Variants in RASA1 observed in about 807,000 individuals in gnomAD.
The protein encoded by RASA1 is ras GTPase-activating protein 1.
Under a neutral mutation model 132.2 loss-of-function variants are expected in RASA1, and 25 were observed. The observed-to-expected ratio is 0.19, with a 90% CI of 0.14 to 0.26. The LOEUF is 0.26. Ranked by LOEUF, RASA1 falls within the 10% of genes least tolerant of loss-of-function variation. RASA1 has a pLI of 1.00. For missense variants in RASA1, 964 were observed against 1,299.2 expected, an observed-to-expected ratio of 0.74 and a Z score of 3.97; for synonymous variants, 477 against 449.9, an observed-to-expected ratio of 1.06 and a Z score of -0.76.
intron 1 of RASA1, among the ~76,000 whole-genome samples, chr5:87,273,674 T>C (rs922436519): frequency 1.3e-5 from 2 of 151,878 alleles, no homozygotes; most frequent in African/African-American, 4.8e-5. Flanking sequence ...CATTTAAGAA[T>C]AGAGATTTCT....
At chr5:87,343,295 A>G (rs1010828829) in intron 6 of RASA1, among the ~76,000 whole-genome samples, 1 of 152,118 alleles carries the variant, frequency 6.6e-6, no homozygotes, top group Non-Finnish European at 1.5e-5. Flanking sequence ...AAATAACTAC[A>G]TTCTAGTTCA....
intron 20 of RASA1, among the ~76,000 whole-genome samples, chr5:87,382,328 G>C (rs927628294): frequency 1.3e-5 from 2 of 152,130 alleles, no homozygotes; most frequent in African/African-American, 4.8e-5. Context: ...TAGCAAACAG[G>C]TACATGTTCA....
intron 8 of RASA1, among the ~76,000 whole-genome samples, chr5:87,352,254 T>G (rs576689573): frequency 1.3e-5 from 2 of 151,760 alleles, no homozygotes; most frequent in South Asian, 2.1e-4. Flanking sequence ...ATTACTTATA[T>G]TTGGTTTAAA....
rs1416102775 is a variant in RASA1, at chr5:87,374,144, TATA to T, written c.1777-18_1777-16del. On this transcript the variant is annotated splice_polypyrimidine_tract_variant and intron_variant, in intron 13 of 24. Coordinates refer to ENST00000274376, the MANE Select transcript of RASA1 (RefSeq NM_002890.3). ...AGAAATCTGGGGTAATATATATATATATATTTTTTTTTTTTTAGGTCAGCAGCC... is the reference window on the plus strand; with the variant it reads ...AGAAATCTGGGGTAATATATATATATTTTTTTTTTTTTTAGGTCAGCAGCC... 61 of 1,395,790 alleles carry T rather than the reference TATA, an allele frequency of 4.4e-5. No individual in the cohort carries two copies. Among genetic ancestry groups the T allele is most frequent in the Middle Eastern group, 2.7e-4 (1 of 3,726 alleles). 86.5% of individuals were successfully genotyped at this position (1,395,790 alleles called of 1,614,324 possible). A position where few individuals can be genotyped will look rare whatever the true frequency, so the allele number is the denominator to read the frequency against.
At chr5:87,269,915 G>A (rs1343830392) in intron 1 of RASA1, among the ~76,000 whole-genome samples, 1 of 152,042 alleles carries the variant, frequency 6.6e-6, no homozygotes, top group Non-Finnish European at 1.5e-5. Flanking sequence ...ACTTGTTATA[G>A]ATTTCTCATA....
At chr5:87,343,151 C>T (rs1398297620) in intron 6 of RASA1, among the ~76,000 whole-genome samples, 1 of 152,060 alleles carries the variant, frequency 6.6e-6, no homozygotes, top group African/African-American at 2.4e-5. Flanking sequence ...TACAAGTAAC[C>T]TTTGAGATTA....
At chr5:87,346,852 G>C in intron 7 of RASA1, 128 bp downstream of exon 7, 1 of 605,050 alleles carries the variant, frequency 1.7e-6, no homozygotes. Flanking sequence ...TTCGTGTCCA[G>C]TACTAAGAAG....
intron 22 of RASA1, among the ~76,000 whole-genome samples, chr5:87,386,034 C>G (rs138526861): frequency 1.3e-5 from 2 of 151,992 alleles, no homozygotes; most frequent in African/African-American, 4.8e-5. Flanking sequence ...CTATGTGTTA[C>G]AAGATTTCCT....
chr5:87,353,346 A>G (rs902727589), intron 9 of RASA1, 111 bp downstream of exon 9: 1 of 874,264 alleles, frequency 1.1e-6, no homozygotes, highest in African/African-American at 1.7e-5. Context: ...ACTTAAAACT[A>G]CAGATTATTT....
At chr5:87,390,678 G>A (rs1338035339) in intron 24 of RASA1, 122 bp from the exon 25 acceptor site, 2 of 781,144 alleles carry the variant, frequency 2.6e-6, no homozygotes, top group African/African-American at 1.7e-5. Context: ...GTTTTGAGGG[G>A]AATTGTGGTA....
chr5:87,354,439 T>C (rs539418464), intron 9 of RASA1, among the ~76,000 whole-genome samples: 1 of 152,296 alleles, frequency 6.6e-6, no homozygotes, highest in African/African-American at 2.4e-5. Context: ...TCTTTAATGT[T>C]ACTATTGCAA....
intron 9 of RASA1, among the ~76,000 whole-genome samples, chr5:87,358,510 A>G (rs1759827575): frequency 6.6e-6 from 1 of 152,118 alleles, no homozygotes; most frequent in Non-Finnish European, 1.5e-5. Flanking sequence ...CTCTGTCTTC[A>G]AAGTATGTCT....
intron 12 of RASA1, 104 bp downstream of exon 12, chr5:87,370,004 G>T: frequency 1.0e-6 from 1 of 957,056 alleles, no homozygotes; most frequent in African/African-American, 1.6e-5. Flanking sequence ...GTGACAGAAC[G>T]CCTGAAATCT....
chr5:87,281,360 C>T (rs549095754), intron 1 of RASA1, among the ~76,000 whole-genome samples: 3 of 151,710 alleles, frequency 2.0e-5, no homozygotes, highest in East Asian at 1.9e-4. Context: ...CTGCAATCTC[C>T]GCCTCCTGAG....
At chr5:87,345,450 C>G (rs1758793314) in intron 6 of RASA1, among the ~76,000 whole-genome samples, 1 of 152,074 alleles carries the variant, frequency 6.6e-6, no homozygotes, top group Non-Finnish European at 1.5e-5. Context: ...AAATCCTGCT[C>G]TAGCATTTGT....
Position 87,267,958 on chromosome 5 carries a change from C to G in RASA1, c.-494C>G, listed in dbSNP as rs199648902. The G allele has an allele frequency of 1.8e-5, 7 of 398,894 alleles. No homozygotes were observed. The highest frequency in any genetic ancestry group is 4.4e-5 in the Admixed American group (1 of 22,962). 24.7% of individuals were successfully genotyped at this position (398,894 alleles called of 1,614,324 possible). A position where few individuals can be genotyped will look rare whatever the true frequency, so the allele number is the denominator to read the frequency against. ...CCCGCCCCCCTTTCTCTTGCCCCCC[C>G]ACCCCTCTCATCTGCCTGGTGGAGG... is the stretch of plus-strand genomic sequence containing the variant. On this transcript the variant is annotated 5_prime_UTR_variant, in exon 1 of 25. Coordinates refer to ENST00000274376, the MANE Select transcript of RASA1 (RefSeq NM_002890.3).
intron 1 of RASA1, among the ~76,000 whole-genome samples, chr5:87,274,710 A>G (rs1753991744): frequency 6.6e-6 from 1 of 152,204 alleles, no homozygotes; most frequent in East Asian, 1.9e-4. Flanking sequence ...GGGTTAAAAG[A>G]AAAAGAAATT....
chr5:87,313,157 A>G (rs1486467684), intron 1 of RASA1, among the ~76,000 whole-genome samples: 1 of 152,212 alleles, frequency 6.6e-6, no homozygotes, highest in African/African-American at 2.4e-5. Context: ...GAGGAAACTC[A>G]CATTTCTATC....
At chr5:87,326,153 G>A (rs1757216249) in intron 1 of RASA1, among the ~76,000 whole-genome samples, 1 of 152,036 alleles carries the variant, frequency 6.6e-6, no homozygotes, top group Non-Finnish European at 1.5e-5. Context: ...TGTATTTTTT[G>A]TAGAGATGGC....
Sources: allele counts gnomAD v4.1 joint callset (sites outside exome capture counted in the v4.1 genomes callset), GRCh38; gene constraint gnomAD v4.1.1; transcripts MANE v1.5; gene names NCBI Gene and HGNC (gene_info 2026-07-23, HGNC 2026-07-21).